Variants in NOL4 observed in about 807,000 individuals in gnomAD.
The protein encoded by NOL4 is nucleolar protein 4, also known as cancer/testis antigen 125.
Under a neutral mutation model 75.9 loss-of-function variants are expected in NOL4, and 17 were observed. The ratio of observed to expected loss-of-function variants is 0.22; its 90% CI spans 0.15 to 0.34. The LOEUF (loss-of-function observed/expected upper bound fraction) is 0.34. Ranked by LOEUF, NOL4 falls within the 10% of genes least tolerant of loss-of-function variation. NOL4 has a pLI of 1.00. For missense variants in NOL4, 614 were observed against 793.5 expected (o/e 0.77, Z 2.72); for synonymous variants, 292 against 289.9 (o/e 1.01, Z -0.07).
At chr18:34,218,754 A>C (rs990094839) in intron 1 of NOL4, among the ~76,000 whole-genome samples, 9 of 152,226 alleles carry the variant, frequency 5.9e-5, no homozygotes, top group African/African-American at 2.2e-4. Context: ...AGAAGCAAAA[A>C]TGTGCTTCCA....
At chr18:34,142,797 T>G (rs999867590) in intron 1 of NOL4, among the ~76,000 whole-genome samples, 1 of 151,910 alleles carries the variant, frequency 6.6e-6, no homozygotes, top group Non-Finnish European at 1.5e-5. Context: ...AACCTGCACG[T>G]TGTGCACATG....
chr18:34,162,672 A>G (rs1416941288), intron 1 of NOL4, among the ~76,000 whole-genome samples: 1 of 152,118 alleles, frequency 6.6e-6, no homozygotes, highest in Non-Finnish European at 1.5e-5. Flanking sequence ...ACAAGGAGGA[A>G]CTGGTACTAT....
intron 6 of NOL4, among the ~76,000 whole-genome samples, chr18:33,959,099 C>A (rs1049677288): frequency 6.6e-6 from 1 of 152,000 alleles, no homozygotes; most frequent in African/African-American, 2.4e-5. Flanking sequence ...TTTCTGGATT[C>A]TAACACCATT....
At chr18:34,034,314 A>G (rs1454568543) in intron 5 of NOL4, among the ~76,000 whole-genome samples, 1 of 152,224 alleles carries the variant, frequency 6.6e-6, no homozygotes, top group Non-Finnish European at 1.5e-5. Context: ...CTCCTCCTAA[A>G]AGATATCGAC....
intron 9 of NOL4, among the ~76,000 whole-genome samples, chr18:33,941,499 A>G (rs867633623): frequency 1.3e-5 from 2 of 151,920 alleles, no homozygotes; most frequent in Non-Finnish European, 2.9e-5. Context: ...TATCTGAGGT[A>G]GTGTTATTAA....
chr18:33,872,406 C>T (rs2063740642), intron 10 of NOL4, among the ~76,000 whole-genome samples: 1 of 151,968 alleles, frequency 6.6e-6, no homozygotes. Flanking sequence ...GAACTAAAAA[C>T]ATTACTATTT....
Position 33,984,758 on chromosome 18 carries a change from A to G in NOL4, c.1057-26340T>C, listed in dbSNP as rs186890623. Reference sequence around the variant, plus strand: ...TCCTTAGATTAACCCAGTCTCAGGTAATTCCTTATAGCAGTACAAGAATAG... The same window carrying G: ...TCCTTAGATTAACCCAGTCTCAGGTGATTCCTTATAGCAGTACAAGAATAG... On this transcript the variant is annotated intron_variant, in intron 6 of 10. Coordinates refer to ENST00000261592, the MANE Select transcript of NOL4 (RefSeq NM_003787.5). Among the ~76,000 whole-genome samples, 49 of 152,274 alleles carry G rather than the reference A, an allele frequency of 3.2e-4. No individual in the cohort carries two copies. The East Asian group carries it at 8.1e-3, about 25-fold the overall frequency.
At chr18:34,073,836 T>C (rs2077627077) in intron 5 of NOL4, among the ~76,000 whole-genome samples, 1 of 151,944 alleles carries the variant, frequency 6.6e-6, no homozygotes, top group South Asian at 2.1e-4. Flanking sequence ...AGAAAAACTT[T>C]TATAGGAAAG....
intron 5 of NOL4, among the ~76,000 whole-genome samples, chr18:34,032,658 C>A (rs989592608): frequency 6.6e-6 from 1 of 152,090 alleles, no homozygotes; most frequent in African/African-American, 2.4e-5. Context: ...GTTACCTTCA[C>A]CCATGCCATT....
chr18:34,206,202 TC>T (rs1201123797), intron 1 of NOL4, among the ~76,000 whole-genome samples: 2 of 152,170 alleles, frequency 1.3e-5, no homozygotes, highest in African/African-American at 4.8e-5. Flanking sequence ...TCAGGGAACA[TC>T]CTTTGTATGT....
chr18:34,051,483 G>A (rs1054534931), intron 5 of NOL4, among the ~76,000 whole-genome samples: 2 of 152,062 alleles, frequency 1.3e-5, no homozygotes, highest in African/African-American at 4.8e-5. Context: ...AACAACATAA[G>A]TAGGATTATC....
At chr18:34,134,663 T>C (rs887691412) in intron 1 of NOL4, among the ~76,000 whole-genome samples, 1 of 152,128 alleles carries the variant, frequency 6.6e-6, no homozygotes, top group Admixed American at 6.5e-5. Flanking sequence ...TAGACATACA[T>C]AGAACACTCT....
chr18:34,119,253 A>G (rs1276944839), intron 2 of NOL4, among the ~76,000 whole-genome samples: 1 of 152,176 alleles, frequency 6.6e-6, no homozygotes, highest in African/African-American at 2.4e-5. Flanking sequence ...TAGAGTATCT[A>G]TCTGACCTTT....
intron 10 of NOL4, among the ~76,000 whole-genome samples, chr18:33,863,893 C>G (rs986470070): frequency 6.6e-6 from 1 of 152,194 alleles, no homozygotes; most frequent in Non-Finnish European, 1.5e-5. Flanking sequence ...TGTTCCCATA[C>G]AGCCTCCAAA....
chr18:34,149,906 C>T (rs989884655), intron 1 of NOL4, among the ~76,000 whole-genome samples: 7 of 151,494 alleles, frequency 4.6e-5, no homozygotes, highest in African/African-American at 7.3e-5. Context: ...CCTCTATAAC[C>T]TGGTTTATTT....
chr18:33,935,514 G>A (rs185282550), intron 9 of NOL4, among the ~76,000 whole-genome samples: 12 of 152,080 alleles, frequency 7.9e-5, no homozygotes, highest in African/African-American at 2.2e-4. Flanking sequence ...CATGGTTCAC[G>A]GTGTCCCAAA....
intron 1 of NOL4, among the ~76,000 whole-genome samples, chr18:34,156,355 T>C (rs1275489406): frequency 6.6e-6 from 1 of 152,174 alleles, no homozygotes; most frequent in East Asian, 1.9e-4. Context: ...GTTAAACAAT[T>C]TGCCCAAGTG....
chr18:34,173,440 T>A (rs1219748009), intron 1 of NOL4, among the ~76,000 whole-genome samples: 1 of 152,172 alleles, frequency 6.6e-6, no homozygotes, highest in Non-Finnish European at 1.5e-5. Flanking sequence ...ATGGTGGATA[T>A]GTTAACTTGA....
chr18:33,970,393 T>C (rs1320939020), intron 6 of NOL4, among the ~76,000 whole-genome samples: 1 of 152,166 alleles, frequency 6.6e-6, no homozygotes, highest in Non-Finnish European at 1.5e-5. Flanking sequence ...AAAAATTGTT[T>C]ATTAATGTTT....
Sources: allele counts gnomAD v4.1 joint callset (sites outside exome capture counted in the v4.1 genomes callset), GRCh38; gene constraint gnomAD v4.1.1; transcripts MANE v1.5; gene names NCBI Gene and HGNC (gene_info 2026-07-23, HGNC 2026-07-21).